Variants in CAB39L observed in about 807,000 individuals in gnomAD.
The protein encoded by CAB39L is calcium-binding protein 39-like.
CAB39L carries 23 observed loss-of-function variants against 39.1 expected under a neutral mutation model. The ratio of observed to expected loss-of-function variants is 0.59; its 90% CI spans 0.42 to 0.83. The LOEUF (loss-of-function observed/expected upper bound fraction) is 0.83, where lower values mean the gene tolerates loss of function less well. CAB39L is among the 40% of genes least tolerant of loss of function. CAB39L has a pLI of 0.00. For missense variants in CAB39L, 366 were observed against 391.9 expected (o/e 0.93, Z 0.56); for synonymous variants, 126 against 137.2 (o/e 0.92, Z 0.57).
At chr13:49,430,873 T>C (rs1957311380) in intron 3 of CAB39L, among the ~76,000 whole-genome samples, 1 of 152,358 alleles carries the variant, frequency 6.6e-6, no homozygotes, top group East Asian at 1.9e-4. Context: ...CCTATTTTCA[T>C]AGAATTGCAC....
intron 8 of CAB39L, among the ~76,000 whole-genome samples, chr13:49,343,432 C>T (rs1244789566): frequency 3.3e-5 from 5 of 152,126 alleles, no homozygotes; most frequent in Admixed American, 2.0e-4. Context: ...CAAGCAAGCA[C>T]GAAGACTCTA....
chr13:49,321,457 G>A (rs893515655), intron 10 of CAB39L, among the ~76,000 whole-genome samples: 3 of 152,142 alleles, frequency 2.0e-5, no homozygotes, highest in African/African-American at 7.2e-5. Flanking sequence ...TCTTGACAAC[G>A]GCTCTGGGAG....
chr13:49,410,939 C>G (rs1025450189), intron 3 of CAB39L, among the ~76,000 whole-genome samples: 10 of 151,950 alleles, frequency 6.6e-5, no homozygotes, highest in Non-Finnish European at 1.5e-4. Context: ...AACTATTAAT[C>G]ACAGAACAAT....
chr13:49,414,354 C>T (rs546379988), intron 3 of CAB39L, among the ~76,000 whole-genome samples: 2 of 152,038 alleles, frequency 1.3e-5, no homozygotes, highest in Non-Finnish European at 2.9e-5. Flanking sequence ...AGGAACCTTT[C>T]TAGAAAACAA....
At chr13:49,407,234 AT>A (rs1217910783) in intron 3 of CAB39L, among the ~76,000 whole-genome samples, 1 of 152,232 alleles carries the variant, frequency 6.6e-6, no homozygotes, top group East Asian at 1.9e-4. Flanking sequence ...ATACAAAAAA[AT>A]GGTAGGAAAA....
At chr13:49,397,694 T>C (rs889805715) in intron 3 of CAB39L, among the ~76,000 whole-genome samples, 5 of 152,098 alleles carry the variant, frequency 3.3e-5, no homozygotes. Context: ...GAGCTAAAAT[T>C]TTCCACCTTT....
intron 7 of CAB39L, among the ~76,000 whole-genome samples, chr13:49,349,742 T>G (rs988116587): frequency 1.3e-4 from 20 of 152,278 alleles, no homozygotes; most frequent in African/African-American, 4.6e-4. Context: ...TCAAATAGGC[T>G]TTTGTTTCCA....
intron 3 of CAB39L, among the ~76,000 whole-genome samples, chr13:49,392,840 A>T (rs1008142460): frequency 6.6e-6 from 1 of 152,124 alleles, no homozygotes; most frequent in Non-Finnish European, 1.5e-5. Flanking sequence ...AAAACAAAAT[A>T]CCAAATCAGG....
At chr13:49,330,756 T>TTA (rs2138388812) in intron 10 of CAB39L, among the ~76,000 whole-genome samples, 1 of 151,452 alleles carries the variant, frequency 6.6e-6, no homozygotes, top group Admixed American at 6.6e-5. Flanking sequence ...CTCTGAATGC[T>TTA]TATTTCCACT....
At chr13:49,377,500 T>A (rs1325088462) in intron 4 of CAB39L, among the ~76,000 whole-genome samples, 1 of 87,612 alleles carries the variant, frequency 1.1e-5, no homozygotes, top group Non-Finnish European at 2.3e-5. Context: ...GCAACCTCCC[T>A]GCCTGATTCT....
intron 1 of CAB39L, among the ~76,000 whole-genome samples, chr13:49,439,162 C>T (rs1408881490): frequency 6.6e-6 from 1 of 152,174 alleles, no homozygotes; most frequent in African/African-American, 2.4e-5. Context: ...GCAATCATCA[C>T]TTTAAACTGT....
intron 3 of CAB39L, among the ~76,000 whole-genome samples, chr13:49,432,883 A>C (rs148452046): frequency 6.6e-6 from 1 of 152,326 alleles, no homozygotes; most frequent in African/African-American, 2.4e-5. Flanking sequence ...TCTTACCTTT[A>C]TATGGGACCC....
At chr13:49,329,069 T>C (rs1954590276) in intron 10 of CAB39L, among the ~76,000 whole-genome samples, 1 of 152,172 alleles carries the variant, frequency 6.6e-6, no homozygotes, top group South Asian at 2.1e-4. Flanking sequence ...CTTTCTTCAC[T>C]GGTTTATAAT....
At chr13:49,442,189 T>A (rs376655954) in intron 1 of CAB39L, among the ~76,000 whole-genome samples, 15 of 152,212 alleles carry the variant, frequency 9.9e-5, no homozygotes, top group Admixed American at 8.5e-4. Flanking sequence ...CACTTTCCTA[T>A]GTCATTCAAC....
chr13:49,417,934 A>G (rs1957111120), intron 3 of CAB39L, among the ~76,000 whole-genome samples: 1 of 152,206 alleles, frequency 6.6e-6, no homozygotes, highest in Non-Finnish European at 1.5e-5. Flanking sequence ...AGAAACTGGA[A>G]CTCTCAAACA....
rs556842982 is a variant in CAB39L at position 49,376,923 on chromosome 13, T to G, written c.276+44A>C. ...GATAGATAGATAGATAGATAGATATTAAAATTGAAAAGCACCACTGACATC... is the reference window on the plus strand; with the variant it reads ...GATAGATAGATAGATAGATAGATATGAAAATTGAAAAGCACCACTGACATC... On this transcript the variant is annotated intron_variant, in intron 5 of 10. Transcript: ENST00000409308. The G allele has an allele frequency of 1.2e-5, 13 of 1,119,378 alleles. No homozygotes were observed. The East Asian group carries it at 3.1e-4, about 27-fold the overall frequency. The allele number at this position is 1,119,378 out of a possible 1,614,324, so 69.3% of individuals were successfully genotyped here.
At chr13:49,392,783 G>A (rs181604575) in intron 3 of CAB39L, among the ~76,000 whole-genome samples, 2 of 152,172 alleles carry the variant, frequency 1.3e-5, no homozygotes, top group African/African-American at 2.4e-5. Context: ...GTTCAATACA[G>A]ACCCTAAGTA....
At chr13:49,328,240 GTCCAA>G (rs1954559091) in intron 10 of CAB39L, among the ~76,000 whole-genome samples, 4 of 152,184 alleles carry the variant, frequency 2.6e-5, no homozygotes, top group Non-Finnish European at 5.9e-5. Flanking sequence ...TCCCACTGCT[GTCCAA>G]TCCTACAAAA....
intron 10 of CAB39L, among the ~76,000 whole-genome samples, chr13:49,312,225 A>C (rs1056431804): frequency 6.6e-6 from 1 of 152,090 alleles, no homozygotes; most frequent in African/African-American, 2.4e-5. Flanking sequence ...AAACAAGAAA[A>C]AAAATTTTTT....
Sources: gnomAD v4.1 joint callset for allele counts (sites outside exome capture counted in the v4.1 genomes callset) on GRCh38, gnomAD v4.1.1 for gene constraint, MANE v1.5 for transcripts, NCBI Gene and HGNC (gene_info 2026-07-23, HGNC 2026-07-21) for gene names.